Variants in SCN11A observed in about 807,000 individuals in gnomAD.
SCN11A encodes sodium voltage-gated channel alpha subunit 11.
In SCN11A, 122 loss-of-function variants were observed where a neutral mutation model predicts 162.2. The observed-to-expected ratio is 0.75, with a 90% CI of 0.65 to 0.87. The LOEUF is 0.87. SCN11A is among the 40% of genes least tolerant of loss of function. The probability of loss-of-function intolerance (pLI) is 0.00; values close to 1 mark genes in which losing one functional copy is unlikely to be tolerated. For missense variants in SCN11A, 2,015 were observed against 2,181.6 expected, an observed-to-expected ratio of 0.92 and a Z score of 1.52; for synonymous variants, 758 against 751.5, an observed-to-expected ratio of 1.01 and a Z score of -0.14.
At position 38,900,086 on chromosome 3, in the gene SCN11A, A is replaced by G. The variant is rs1348771763; in HGVS notation, c.1843-13T>C. ...TGCTAGTGAAAACCTAGAGTGGGAC[A>G]AAGAAGAATGAGAGAAGGAAGCTGC... On this transcript the variant is annotated splice_polypyrimidine_tract_variant and intron_variant, in intron 16 of 29. Coordinates refer to ENST00000302328, the MANE Select transcript of SCN11A (RefSeq NM_001349253.2). 3 of 1,610,982 alleles carry G rather than the reference A, an allele frequency of 1.9e-6. No individual in the cohort carries two copies. Among genetic ancestry groups the G allele is most frequent in the Non-Finnish European group, 2.5e-6 (3 of 1,177,444 alleles).
chr3:38,953,555 A>C (rs145975229), intron 4 of SCN11A, among the ~76,000 whole-genome samples, 74 bp downstream of exon 4: 3 of 152,200 alleles, frequency 2.0e-5, no homozygotes, highest in Non-Finnish European at 4.4e-5. Flanking sequence ...AATGACATGC[A>C]TGGATTTGAG....
intron 2 of SCN11A, among the ~76,000 whole-genome samples, chr3:38,989,228 C>T (rs1019076789): frequency 1.3e-5 from 2 of 152,214 alleles, no homozygotes; most frequent in African/African-American, 4.8e-5. Flanking sequence ...AGCATTAACT[C>T]CAGCCATGCA....
intron 7 of SCN11A, among the ~76,000 whole-genome samples, chr3:38,939,934 G>T (rs191848619): frequency 5.9e-4 from 90 of 151,494 alleles, no homozygotes; most frequent in African/African-American, 2.1e-3. Flanking sequence ...ACATGGGAAA[G>T]ATGGGGAGGA....
At chr3:39,022,085 GGA>G (rs2031465033) in intron 2 of SCN11A, among the ~76,000 whole-genome samples, 1 of 152,118 alleles carries the variant, frequency 6.6e-6, no homozygotes, top group African/African-American at 2.4e-5. Context: ...GATCACCACT[GGA>G]GTAGTTCTGG....
chr3:38,882,547 A>C (rs1187475370), intron 22 of SCN11A, among the ~76,000 whole-genome samples: 1 of 152,194 alleles, frequency 6.6e-6, no homozygotes, highest in Non-Finnish European at 1.5e-5. Flanking sequence ...AGAGGGCGAA[A>C]TATGCAGGTG....
In SCN11A at chr3:38,855,495, C is replaced by G. The variant is rs577167637; in HGVS notation, c.4057-4744G>C. Among the ~76,000 whole-genome samples the G allele has an allele frequency of 9.0e-4, 137 of 152,218 alleles. 1 individual carries two copies. The highest frequency in any genetic ancestry group is 3.0e-3 in the African/African-American group (123 of 41,528). ...TTGGGAGTTTTATGGCTCTGCCTGT[C>G]TCCTGAAAGTCAGAATACCTCCCCT... On this transcript the variant is annotated intron_variant, in intron 28 of 29. Transcript: ENST00000302328.
chr3:39,029,451 A>T (rs1361147816), intron 2 of SCN11A, among the ~76,000 whole-genome samples: 1 of 152,106 alleles, frequency 6.6e-6, no homozygotes, highest in African/African-American at 2.4e-5. Context: ...TTAACTTGTA[A>T]ACACTTCTTG....
chr3:39,036,023 T>C (rs139961938), intron 1 of SCN11A, among the ~76,000 whole-genome samples: 3 of 152,366 alleles, frequency 2.0e-5, no homozygotes, highest in Non-Finnish European at 4.4e-5. Flanking sequence ...CCCCTGCTCC[T>C]GGGAGGTCAC....
At chr3:38,971,551 C>T (rs1427791504) in intron 2 of SCN11A, among the ~76,000 whole-genome samples, 1 of 152,208 alleles carries the variant, frequency 6.6e-6, no homozygotes, top group Non-Finnish European at 1.5e-5. Flanking sequence ...TGCTGGACCC[C>T]TGTATGAGAT....
chr3:38,947,556 C>T lies in SCN11A; in HGVS notation c.268-649G>A, dbSNP rs1462204262. On this transcript the variant is annotated intron_variant, in intron 5 of 29. Coordinates refer to ENST00000302328, the MANE Select transcript of SCN11A (RefSeq NM_001349253.2). ...CTGTAATGACTATGGGCTCTACCGG[C>T]CTTTTACTGGGAAGACCCAGGGATG... Among the ~76,000 whole-genome samples the T allele has an allele frequency of 2.0e-5, 3 of 152,198 alleles. No homozygotes were observed. The East Asian group carries it at 5.8e-4, about 29-fold the overall frequency.
intron 2 of SCN11A, among the ~76,000 whole-genome samples, chr3:39,012,655 A>G (rs1395131279): frequency 6.6e-6 from 1 of 151,824 alleles, no homozygotes; most frequent in East Asian, 1.9e-4. Flanking sequence ...TAATTTTTGT[A>G]TTAGAGACAG....
At chr3:39,034,617 C>G (rs534562511) in intron 1 of SCN11A, among the ~76,000 whole-genome samples, 1 of 152,130 alleles carries the variant, frequency 6.6e-6, no homozygotes, top group African/African-American at 2.4e-5. Context: ...GCTAGAGCAA[C>G]CCAGTAAGAG....
At position 38,910,121 on chromosome 3, in the gene SCN11A, A is replaced by AAAG. The variant is rs1364760343; in HGVS notation, c.1043_1045dup (p.Ser348dup). Reference sequence around the variant, plus strand: ...GGTCATCAGCCGGAACATGGCAAGAAAAGACCAGCCAAAGTTGTCAAAATT... The same window carrying AAAG: ...GGTCATCAGCCGGAACATGGCAAGAAAAGAAGACCAGCCAAAGTTGTCAAAATT... On this transcript the variant is annotated inframe_insertion, in exon 12 of 30. Transcript: ENST00000302328. 1 of 1,614,026 alleles carries AAAG rather than the reference A, an allele frequency of 6.2e-7. No homozygotes were observed. The highest frequency in any genetic ancestry group is 1.7e-5 in the Admixed American group (1 of 59,996).
At position 38,886,198 on chromosome 3, in the gene SCN11A, T is replaced by C. The variant is rs568032953; in HGVS notation, c.2876A>G (p.Gln959Arg). ...LHQENKKPTS[Q>R]RVQSVEIDMF... The stretch of plus-strand genomic sequence containing the variant: ...GTCAATTTCCACACTTTGAACTCTC[T>C]GGCTCGTGGGCTTCTTGTTCTCCTG... Residue 959 changes from glutamine to arginine, a missense_variant, in exon 20 of 30, where the codon CAG becomes CGG. Physicochemically the swap from Gln to Arg is conservative, Grantham distance 43. Transcript: ENST00000302328. 12 of 1,613,044 alleles carry C rather than the reference T, an allele frequency of 7.4e-6. No individual in the cohort carries two copies. In the South Asian group the frequency reaches 1.2e-4, roughly 16 times the overall value.
chr3:38,981,537 T>TTGTGTGTGTGTGTGTGTGTG (rs10578149), intron 2 of SCN11A, among the ~76,000 whole-genome samples: 263 of 145,968 alleles, frequency 1.8e-3, no homozygotes, highest in Non-Finnish European at 2.8e-3. Context: ...GTGTGTGTGT[T>TTGTGTGTGTGTGTGTGTGTG]TGTGTGTGTG....
chr3:38,969,462 C>T (rs956277560), intron 2 of SCN11A, among the ~76,000 whole-genome samples: 1 of 152,100 alleles, frequency 6.6e-6, no homozygotes, highest in African/African-American at 2.4e-5. Flanking sequence ...CCTGCACGGC[C>T]CCTCCTTAGG....
At chr3:39,050,347 G>A (rs1272597105) in intron 1 of SCN11A, among the ~76,000 whole-genome samples, 2 of 152,098 alleles carry the variant, frequency 1.3e-5, no homozygotes, top group East Asian at 1.9e-4. Context: ...ATTAATTCCT[G>A]TCTCATCCTG....
intron 7 of SCN11A, among the ~76,000 whole-genome samples, chr3:38,932,662 C>A (rs1280680410): frequency 1.3e-5 from 2 of 152,202 alleles, no homozygotes; most frequent in Non-Finnish European, 2.9e-5. Context: ...AGCAGGGAGG[C>A]TGGGGGAGGG....
At position 38,847,741 on chromosome 3, in the gene SCN11A, A is replaced by G. The variant is rs1009229165; in HGVS notation, c.4329T>C (p.Ser1443=). The G allele has an allele frequency of 3.2e-6, 5 of 1,569,538 alleles. No homozygotes were observed. The highest frequency in any genetic ancestry group is 1.1e-5 in the South Asian group (1 of 88,016). The change falls in exon 30 of 30, where the codon AGT becomes AGC. Residue 1443 remains serine (S), a splice_region_variant and synonymous_variant. Transcript: ENST00000302328. ...GATTTTCCAAGGTAGAAATCATTGT[A>G]CCTCAGGAGAAGGAGAAAAGTAAAT... ...DCVVVLLSIV[S]TMISTLENQE... is the part of the protein sequence containing the mutation.
Sources: allele counts gnomAD v4.1 joint callset (sites outside exome capture counted in the v4.1 genomes callset), GRCh38; gene constraint gnomAD v4.1.1; transcripts MANE v1.5; gene names NCBI Gene and HGNC (gene_info 2026-07-23, HGNC 2026-07-21).